PDLIM5: variants seen among roughly 807,000 people sequenced by gnomAD.
The protein encoded by PDLIM5 is PDZ and LIM domain protein 5.
PDLIM5 carries 34 observed loss-of-function variants against 64.2 expected under a neutral mutation model. The observed-to-expected ratio is 0.53, with a 90% CI of 0.40 to 0.71. PDLIM5 has a LOEUF of 0.71. Ranked by LOEUF, PDLIM5 falls within the 30% of genes least tolerant of loss-of-function variation. PDLIM5 has a pLI of 0.00. For missense variants in PDLIM5, 683 were observed against 733.6 expected (o/e 0.93, Z 0.80); for synonymous variants, 253 against 269.1 (o/e 0.94, Z 0.59).
chr4:94,471,794 G>A (rs1349751033), intron 2 of PDLIM5, among the ~76,000 whole-genome samples: 2 of 152,076 alleles, frequency 1.3e-5, no homozygotes, highest in African/African-American at 4.8e-5. Context: ...TTTTAGAAGT[G>A]CCTGGTACAC....
intron 2 of PDLIM5, among the ~76,000 whole-genome samples, chr4:94,492,119 A>G (rs1357006460): frequency 6.6e-6 from 1 of 151,334 alleles, no homozygotes; most frequent in Non-Finnish European, 1.5e-5. Flanking sequence ...CAGCTTTAAG[A>G]ATTGTTTTTC....
At chr4:94,596,843 GAACT>G (rs1737105553) in intron 7 of PDLIM5, among the ~76,000 whole-genome samples, 1 of 152,020 alleles carries the variant, frequency 6.6e-6, no homozygotes, top group Non-Finnish European at 1.5e-5. Context: ...TCAAATTAAA[GAACT>G]ATCTACAAAT....
chr4:94,613,396 T>A (rs1738526251), intron 7 of PDLIM5, among the ~76,000 whole-genome samples: 1 of 152,238 alleles, frequency 6.6e-6, no homozygotes, highest in Admixed American at 6.5e-5. Context: ...TATCTGAGCT[T>A]TATTTGTTGC....
At chr4:94,593,198 A>G (rs1159105210) in intron 7 of PDLIM5, among the ~76,000 whole-genome samples, 2 of 152,220 alleles carry the variant, frequency 1.3e-5, no homozygotes, top group East Asian at 3.8e-4. Flanking sequence ...TCCTGGATGC[A>G]ACTGTAGCTG....
At chr4:94,507,021 G>A (rs1448004805) in intron 2 of PDLIM5, among the ~76,000 whole-genome samples, 1 of 152,036 alleles carries the variant, frequency 6.6e-6, no homozygotes, top group Non-Finnish European at 1.5e-5. Flanking sequence ...TGGACTCTTG[G>A]AATTAACACC....
intron 7 of PDLIM5, among the ~76,000 whole-genome samples, chr4:94,591,790 C>T (rs1335363682): frequency 6.6e-6 from 1 of 152,244 alleles, no homozygotes; most frequent in African/African-American, 2.4e-5. Flanking sequence ...CGGTTGTTGA[C>T]CCTAGAGACA....
chr4:94,463,560 A>G (rs1023920090), intron 2 of PDLIM5, among the ~76,000 whole-genome samples: 25 of 152,152 alleles, frequency 1.6e-4, no homozygotes, highest in African/African-American at 4.3e-4. Flanking sequence ...AAGAGGAGGA[A>G]GAGGAAGGGT....
chr4:94,472,517 A>G (rs546759210), intron 2 of PDLIM5, among the ~76,000 whole-genome samples: 115 of 152,318 alleles, frequency 7.5e-4, no homozygotes, highest in African/African-American at 2.7e-3. Context: ...CAGAATAGGT[A>G]AGTGGAATGA....
intron 7 of PDLIM5, 111 bp from the exon 8 acceptor site, chr4:94,617,892 GA>G: frequency 1.8e-6 from 1 of 551,248 alleles, no homozygotes; most frequent in Non-Finnish European, 3.0e-6. Context: ...CTTTTCTAAA[GA>G]ATTGATTAAT....
rs528962375 is a variant in PDLIM5, at chr4:94,463,494, A to AGG, written c.96+8112_96+8113dup. On this transcript the variant is annotated intron_variant, in intron 2 of 12. Transcript: ENST00000317968. ...ATATATTTACTGTTCATTAAGTGGA[A>AGG]GGGAGTCATCATAAAGGACTTCATT... Among the ~76,000 whole-genome samples the AGG allele has an allele frequency of 2.5e-4, 38 of 152,348 alleles. No homozygotes were observed. The East Asian group carries it at 7.3e-3, about 29-fold the overall frequency.
chr4:94,485,706 C>T (rs758511411), intron 2 of PDLIM5, among the ~76,000 whole-genome samples: 19 of 151,506 alleles, frequency 1.3e-4, no homozygotes, highest in Middle Eastern at 3.4e-3. Flanking sequence ...AACCACTAGC[C>T]GGGCGTGGTG....
intron 3 of PDLIM5, among the ~76,000 whole-genome samples, chr4:94,532,698 G>A (rs971630053): frequency 6.6e-6 from 1 of 151,992 alleles, no homozygotes; most frequent in African/African-American, 2.4e-5. Flanking sequence ...CACTCTTTTG[G>A]CCTCCAACAG....
intron 9 of PDLIM5, among the ~76,000 whole-genome samples, chr4:94,641,924 T>C (rs910147972): frequency 6.6e-6 from 1 of 152,200 alleles, no homozygotes; most frequent in African/African-American, 2.4e-5. Flanking sequence ...ATAATGTCAA[T>C]TTGGTTAGTC....
intron 8 of PDLIM5, among the ~76,000 whole-genome samples, chr4:94,629,675 C>T (rs759904497): frequency 6.6e-6 from 1 of 152,228 alleles, no homozygotes; most frequent in Non-Finnish European, 1.5e-5. Context: ...ATGGAAGAAG[C>T]TAGCCTCCTG....
intron 3 of PDLIM5, among the ~76,000 whole-genome samples, chr4:94,556,175 G>A (rs1322938680): frequency 4.0e-5 from 6 of 151,672 alleles, no homozygotes; most frequent in East Asian, 3.9e-4. Flanking sequence ...TTGTCCTTGC[G>A]ATAGTTTGCT....
intron 5 of PDLIM5, chr4:94,579,593 C>A: frequency 1.1e-6 from 1 of 901,340 alleles, no homozygotes; most frequent in South Asian, 2.2e-5. Context: ...GAGTAAACAG[C>A]ATGAATGCCT....
chr4:94,622,422 C>T (rs1018261095), intron 8 of PDLIM5, among the ~76,000 whole-genome samples: 3 of 152,134 alleles, frequency 2.0e-5, no homozygotes, highest in Non-Finnish European at 4.4e-5. Context: ...TGTGTTGGAA[C>T]ACATCAGTTT....
intron 7 of PDLIM5, among the ~76,000 whole-genome samples, chr4:94,609,993 C>T (rs1339339410): frequency 3.9e-5 from 6 of 152,168 alleles, no homozygotes; most frequent in African/African-American, 1.4e-4. Flanking sequence ...TGAGAGAAAC[C>T]GTAGGAGCAC....
At chr4:94,479,507 T>A (rs934255453) in intron 2 of PDLIM5, among the ~76,000 whole-genome samples, 3 of 151,702 alleles carry the variant, frequency 2.0e-5, no homozygotes, top group Non-Finnish European at 4.4e-5. Flanking sequence ...TTTATTTTTT[T>A]TTTTGTAGAG....
Sources: allele counts gnomAD v4.1 joint callset (sites outside exome capture counted in the v4.1 genomes callset), GRCh38; gene constraint gnomAD v4.1.1; transcripts MANE v1.5; gene names NCBI Gene and HGNC (gene_info 2026-07-23, HGNC 2026-07-21).